The following CD109 variants were observed in gnomAD, a reference collection of about 807,000 sequenced individuals.
CD109 encodes CD109 molecule.
A neutral mutation model predicts 165.8 loss-of-function variants in CD109; 149 were observed. The observed-to-expected ratio is 0.90, with a 90% CI of 0.79 to 1.03. The LOEUF (loss-of-function observed/expected upper bound fraction) is 1.03, where lower values mean the gene tolerates loss of function less well. CD109 is among the 50% of genes least tolerant of loss of function. The probability of loss-of-function intolerance (pLI) is 0.00; values close to 1 mark genes in which losing one functional copy is unlikely to be tolerated. For missense variants in CD109, 1,712 were observed against 1,677.8 expected (o/e 1.02, Z -0.36); for synonymous variants, 585 against 592.1 (o/e 0.99, Z 0.18).
chr6:73,812,385 T>C, intron 29 of CD109, 115 bp downstream of exon 29: 1 of 680,616 alleles, frequency 1.5e-6, no homozygotes, highest in Non-Finnish European at 2.5e-6. Context: ...GATTTACATC[T>C]GTGACTTAAG....
intron 2 of CD109, among the ~76,000 whole-genome samples, chr6:73,710,064 T>G (rs1214148620): frequency 6.6e-6 from 1 of 152,184 alleles, no homozygotes; most frequent in Non-Finnish European, 1.5e-5. Flanking sequence ...CCACTCCTAT[T>G]CAACATAGTG....
chr6:73,786,396 ATTTTAATT>A (rs1328120385), intron 20 of CD109, among the ~76,000 whole-genome samples: 1 of 151,972 alleles, frequency 6.6e-6, no homozygotes, highest in African/African-American at 2.4e-5. Flanking sequence ...TTTAATTTAA[ATTTTAATT>A]TTTTAAGCTT....
At chr6:73,767,171 C>T (rs1554178513) in intron 13 of CD109, among the ~76,000 whole-genome samples, 161 bp downstream of exon 13, 1 of 152,024 alleles carries the variant, frequency 6.6e-6, no homozygotes, top group Non-Finnish European at 1.5e-5. Flanking sequence ...AATCCTAGTA[C>T]CCATTAGTTA....
chr6:73,728,476 T>C (rs1339156605), intron 3 of CD109, among the ~76,000 whole-genome samples: 1 of 152,220 alleles, frequency 6.6e-6, no homozygotes, highest in Non-Finnish European at 1.5e-5. Context: ...ACTCCTATAC[T>C]TGCCACTTAG....
intron 22 of CD109, among the ~76,000 whole-genome samples, chr6:73,791,209 AT>A (rs1774950173): frequency 2.3e-5 from 3 of 133,272 alleles, no homozygotes. Context: ...ATATATATAT[AT>A]ATATATATAT....
Position 73,762,828 on chromosome 6 carries a change from C to T in CD109, c.943C>T (p.Leu315=), listed in dbSNP as rs1283616610. The T allele has an allele frequency of 6.2e-7, 1 of 1,612,712 alleles. No homozygotes were observed. Among genetic ancestry groups the T allele is most frequent in the Non-Finnish European group, 8.5e-7 (1 of 1,179,238 alleles). Residue 315 remains leucine, a synonymous_variant, in exon 9 of 33, where the codon CTA becomes TTA. Coordinates refer to ENST00000287097, the MANE Select transcript of CD109 (RefSeq NM_133493.5). The part of the protein sequence containing the change: ...SSNGLSEYLD[L]SSPGPVEILT... Reference sequence around the variant, plus strand: ...AAATGGACTTTCTGAATACCTGGATCTATCTTCCCCTGGACCAGTAGAAAT... The same window carrying T: ...AAATGGACTTTCTGAATACCTGGATTTATCTTCCCCTGGACCAGTAGAAAT...
intron 4 of CD109, among the ~76,000 whole-genome samples, chr6:73,734,794 T>G (rs1562037337): frequency 6.6e-6 from 1 of 152,212 alleles, no homozygotes; most frequent in Non-Finnish European, 1.5e-5. Context: ...TAGGCAAAGT[T>G]TAGAGGATAA....
intron 17 of CD109, 25 bp from the exon 18 acceptor site, chr6:73,782,589 A>G: frequency 6.2e-7 from 1 of 1,601,274 alleles, no homozygotes; most frequent in African/African-American, 1.3e-5. Flanking sequence ...CTGTTTTTCT[A>G]ACTACTGTCA....
intron 3 of CD109, among the ~76,000 whole-genome samples, chr6:73,726,043 T>G (rs969753172): frequency 6.6e-6 from 1 of 152,232 alleles, no homozygotes; most frequent in Non-Finnish European, 1.5e-5. Context: ...AAGAAGGCTC[T>G]GCATTTTAAT....
chr6:73,689,624 CA>C, the CD109 span, among the ~76,000 whole-genome samples: 1 of 150,242 alleles, frequency 6.7e-6, no homozygotes, highest in Non-Finnish European at 1.5e-5. Flanking sequence ...ACTGTAGACA[CA>C]TTTTTTTTTT....
chr6:73,820,663 C>G, intron 32 of CD109, 100 bp downstream of exon 32: 3 of 644,124 alleles, frequency 4.7e-6, no homozygotes, highest in Non-Finnish European at 7.6e-6. Flanking sequence ...GTGGCGAGGG[C>G]AGGATTTGGT....
At chr6:73,801,701 A>C (rs1775365567) in intron 23 of CD109, among the ~76,000 whole-genome samples, 1 of 152,234 alleles carries the variant, frequency 6.6e-6, no homozygotes, top group African/African-American at 2.4e-5. Flanking sequence ...TTAGTCAAAT[A>C]TGAATTTTAC....
At chr6:73,808,285 A>G in intron 26 of CD109, 37 bp downstream of exon 26, 6 of 1,574,910 alleles carry the variant, frequency 3.8e-6, no homozygotes, top group Non-Finnish European at 5.2e-6. Context: ...GTTATGCTTT[A>G]TGAAATATAT....
chr6:73,775,690 A>C (rs543649536), intron 15 of CD109, among the ~76,000 whole-genome samples: 1 of 151,922 alleles, frequency 6.6e-6, no homozygotes, highest in African/African-American at 2.4e-5. Context: ...CCCTCTGACA[A>C]TCTCTACTGT....
intron 15 of CD109, among the ~76,000 whole-genome samples, chr6:73,773,773 T>C (rs1774135363): frequency 1.3e-5 from 2 of 152,292 alleles, no homozygotes; most frequent in South Asian, 4.1e-4. Flanking sequence ...TGCCTTTCAA[T>C]CTATGCTGTT....
chr6:73,816,390 C>G (rs1775937632), intron 30 of CD109, among the ~76,000 whole-genome samples: 1 of 152,084 alleles, frequency 6.6e-6, no homozygotes, highest in Non-Finnish European at 1.5e-5. Flanking sequence ...AGGCACGGCA[C>G]CAAACACTTT....
At chr6:73,789,263 G>T (rs576183770) in intron 22 of CD109, among the ~76,000 whole-genome samples, 1 of 152,196 alleles carries the variant, frequency 6.6e-6, no homozygotes, top group South Asian at 2.1e-4. Flanking sequence ...GCCTCTCCTA[G>T]TTACTTTCCA....
intron 5 of CD109, among the ~76,000 whole-genome samples, chr6:73,756,435 G>C (rs1430459547): frequency 2.0e-5 from 3 of 152,128 alleles, no homozygotes; most frequent in Non-Finnish European, 4.4e-5. Context: ...GGGTTGGCAA[G>C]AAAAATTCAT....
At chr6:73,791,190 T>TATATATATATATATATATAC (rs1352766740) in intron 22 of CD109, among the ~76,000 whole-genome samples, 151 of 13,518 alleles carry the variant, frequency 0.011, 7 homozygotes, top group African/African-American at 0.033. Context: ...CACACACACA[T>TATATATATATATATATATAC]ACATATATAT....
Sources: gnomAD v4.1 joint callset for allele counts (sites outside exome capture counted in the v4.1 genomes callset) on GRCh38, gnomAD v4.1.1 for gene constraint, MANE v1.5 for transcripts, NCBI Gene and HGNC (gene_info 2026-07-23, HGNC 2026-07-21) for gene names.